The following MTREX variants were observed in gnomAD, a reference collection of about 807,000 sequenced individuals.
MTREX encodes exosome RNA helicase MTR4.
A neutral mutation model predicts 135.4 loss-of-function variants in MTREX; 76 were observed. That is an observed-to-expected ratio of 0.56 (90% CI 0.47 to 0.68). MTREX has a LOEUF of 0.68. MTREX is among the 30% of genes least tolerant of loss of function. The pLI is 0.00. For synonymous variants in MTREX, 404 were observed against 401.6 expected, an observed-to-expected ratio of 1.01 and a Z score of -0.07; for missense variants, 920 against 1,262.1, an observed-to-expected ratio of 0.73 and a Z score of 4.11.
intron 20 of MTREX, among the ~76,000 whole-genome samples, chr5:55,399,283 C>T (rs1303952084): frequency 6.6e-6 from 1 of 152,162 alleles, no homozygotes; most frequent in East Asian, 1.9e-4. Context: ...TTGTTTGTCA[C>T]TCTTAATGTG....
chr5:55,368,304 A>G (rs928256518), intron 16 of MTREX, among the ~76,000 whole-genome samples: 23 of 152,100 alleles, frequency 1.5e-4, no homozygotes, highest in African/African-American at 4.6e-4. Context: ...CAAAAAAATT[A>G]GCCGGGCATG....
intron 1 of MTREX, among the ~76,000 whole-genome samples, chr5:55,308,539 A>G (rs908956856): frequency 1.3e-5 from 2 of 152,134 alleles, no homozygotes; most frequent in Admixed American, 6.5e-5. Context: ...GAAAGGGCAG[A>G]TAATAACATG....
chr5:55,356,072 C>T (rs1191914979), intron 14 of MTREX, among the ~76,000 whole-genome samples: 1 of 152,236 alleles, frequency 6.6e-6, no homozygotes. Context: ...CCAGATGCCT[C>T]ATTCAGGGAG....
chr5:55,346,988 G>T, intron 10 of MTREX, 25 bp from the exon 11 acceptor site: 2 of 1,571,274 alleles, frequency 1.3e-6, no homozygotes, highest in South Asian at 1.2e-5. Flanking sequence ...AGTTAATTTT[G>T]GTGTGTTGTT....
rs192474395 is a variant in MTREX, at chr5:55,385,632, C to T, written c.2053-2342C>T. On this transcript the variant is annotated intron_variant, in intron 18 of 26. Coordinates refer to ENST00000230640, the MANE Select transcript of MTREX (RefSeq NM_015360.5). ...ACTGAATTTTAGATTTTTTTTTGGA[C>T]TAGATCTTTCTTTATTTGATATATT... is the stretch of plus-strand genomic sequence containing the variant. 2.7e-4 allele frequency among the ~76,000 whole-genome samples: 41 copies of T among 151,962 alleles called. 1 individual carries two copies. The highest frequency in any genetic ancestry group is 2.7e-3 in the Admixed American group (41 of 15,264).
chr5:55,339,090 C>A (rs1385704597), intron 5 of MTREX, among the ~76,000 whole-genome samples: 2 of 152,008 alleles, frequency 1.3e-5, no homozygotes, highest in African/African-American at 4.8e-5. Context: ...CTGCGCCCGG[C>A]CTAATCTGTA....
At chr5:55,329,915 T>C (rs1368513834) in intron 5 of MTREX, among the ~76,000 whole-genome samples, 1 of 152,024 alleles carries the variant, frequency 6.6e-6, no homozygotes, top group East Asian at 1.9e-4. Context: ...TCCAGGACTC[T>C]TTTGGGCCGC....
At chr5:55,398,893 T>C (rs1390790909) in intron 20 of MTREX, among the ~76,000 whole-genome samples, 2 of 152,210 alleles carry the variant, frequency 1.3e-5, no homozygotes, top group Non-Finnish European at 2.9e-5. Context: ...TGGTTCTTCA[T>C]AGTCGTTTAC....
intron 1 of MTREX, among the ~76,000 whole-genome samples, chr5:55,319,891 C>G (rs1749260696): frequency 6.6e-6 from 1 of 152,134 alleles, no homozygotes; most frequent in African/African-American, 2.4e-5. Context: ...AGACTTTAAC[C>G]AGCTCCTAAT....
intron 5 of MTREX, among the ~76,000 whole-genome samples, chr5:55,338,132 A>G (rs1749583637): frequency 6.6e-6 from 1 of 152,178 alleles, no homozygotes; most frequent in Non-Finnish European, 1.5e-5. Context: ...TAAAAATTTT[A>G]TATATACCTT....
At position 55,415,975 on chromosome 5, in the gene MTREX, T is replaced by G; in HGVS notation, c.2814T>G (p.Cys938Trp). The G allele has an allele frequency of 2.5e-6, 4 of 1,587,348 alleles. No individual in the cohort carries two copies. Among genetic ancestry groups the G allele is most frequent in the Non-Finnish European group, 3.4e-6 (4 of 1,170,180 alleles). The change falls in exon 25 of 27, where the codon TGT (cysteine) becomes TGG (tryptophan). Residue 938 changes from cysteine (C) to tryptophan (W), a missense_variant. Physicochemically the swap from Cys to Trp is radical, Grantham distance 215. Transcript: ENST00000230640. ...LAGPLRQMQE[C>W]AKRIAKVSAE... is the part of the protein sequence containing the mutation. The stretch of plus-strand genomic sequence containing the variant: ...TAACTCTTTTATCTTTAAAGGAATG[T>G]GCTAAAAGAATTGCAAAAGTTTCAG...
intron 15 of MTREX, among the ~76,000 whole-genome samples, chr5:55,362,278 T>C (rs930150412): frequency 1.3e-5 from 2 of 151,996 alleles, no homozygotes; most frequent in African/African-American, 4.8e-5. Context: ...TTTTCAACTT[T>C]TCCAGTCCTG....
chr5:55,344,879 A>G (rs1396064908), intron 9 of MTREX, among the ~76,000 whole-genome samples: 1 of 152,064 alleles, frequency 6.6e-6, no homozygotes, highest in African/African-American at 2.4e-5. Context: ...GGGGTTCTGG[A>G]CATGTTTCAG....
rs1749682461 is a variant in MTREX at position 55,343,456 on chromosome 5, G to T, written c.906+1G>T. On this transcript the variant is annotated splice_donor_variant, in intron 8 of 26. Transcript: ENST00000230640. LOFTEE classifies it high-confidence loss of function. ...ATGGATTTGCCATTTACATAAACAG[G>T]TATTTTTTCCTCCTTTTTTGATGTC... 3 of 1,610,034 alleles carry T rather than the reference G, an allele frequency of 1.9e-6. No individual in the cohort carries two copies. Among genetic ancestry groups the T allele is most frequent in the Non-Finnish European group, 2.5e-6 (3 of 1,178,732 alleles).
intron 5 of MTREX, among the ~76,000 whole-genome samples, chr5:55,332,848 A>C (rs189793009): frequency 2.6e-5 from 4 of 152,312 alleles, no homozygotes; most frequent in African/African-American, 9.6e-5. Context: ...ATAATTCATG[A>C]ATCCTGGAAT....
intron 19 of MTREX, among the ~76,000 whole-genome samples, chr5:55,392,970 C>T (rs997348973): frequency 6.6e-6 from 1 of 152,180 alleles, no homozygotes; most frequent in Non-Finnish European, 1.5e-5. Flanking sequence ...AAATAAAAAA[C>T]AGCCTTGTGA....
At chr5:55,329,098 CTTCTG>C (rs1267818191) in intron 5 of MTREX, among the ~76,000 whole-genome samples, 4 of 152,074 alleles carry the variant, frequency 2.6e-5, no homozygotes, top group Non-Finnish European at 5.9e-5. Flanking sequence ...GTTTGAGGAA[CTTCTG>C]TTCTTGGTTT....
At chr5:55,404,762 C>G (rs1750775281) in intron 21 of MTREX, among the ~76,000 whole-genome samples, 1 of 151,892 alleles carries the variant, frequency 6.6e-6, no homozygotes, top group Non-Finnish European at 1.5e-5. Flanking sequence ...TCCTCCTTAC[C>G]TCTCTCCATT....
chr5:55,411,000 C>G (rs1325439797), intron 23 of MTREX, among the ~76,000 whole-genome samples: 1 of 152,200 alleles, frequency 6.6e-6, no homozygotes, highest in Non-Finnish European at 1.5e-5. Flanking sequence ...TGAATTAACT[C>G]TCCTCCCCGG....
Sources: gnomAD v4.1 joint callset for allele counts (sites outside exome capture counted in the v4.1 genomes callset) on GRCh38, gnomAD v4.1.1 for gene constraint, MANE v1.5 for transcripts, NCBI Gene and HGNC (gene_info 2026-07-23, HGNC 2026-07-21) for gene names.